The following PDE4D variants were observed in gnomAD, a reference collection of about 807,000 sequenced individuals.
PDE4D encodes the protein phosphodiesterase 4D.
PDE4D carries 24 observed loss-of-function variants against 87.4 expected under a neutral mutation model. That is an observed-to-expected ratio of 0.27 (90% CI 0.20 to 0.39). The LOEUF is 0.39. Ranked by LOEUF, PDE4D falls within the 10% of genes least tolerant of loss-of-function variation. PDE4D has a pLI of 1.00. For synonymous variants in PDE4D, 384 were observed against 383.2 expected (o/e 1.00, Z -0.02); for missense variants, 714 against 1,041.0 (o/e 0.69, Z 4.32).
Position 59,311,113 on chromosome 5 carries a change from G to A in PDE4D, c.456-95145C>T, listed in dbSNP as rs536552079. ...TAGCAGAGAGATGAAGGCTGGTCCT[G>A]GAGGGAAATGTGGGACCAGGGTTAG... is the stretch of plus-strand genomic sequence containing the variant. On this transcript the variant is annotated intron_variant, in intron 1 of 14. Coordinates refer to ENST00000340635, the MANE Select transcript of PDE4D (RefSeq NM_001104631.2). Among the ~76,000 whole-genome samples, 21 of 152,272 alleles carry A rather than the reference G, an allele frequency of 1.4e-4. No homozygotes were observed. In the South Asian group the frequency reaches 4.1e-3, roughly 30 times the overall value.
At chr5:60,014,158 T>C (rs1041951131) in intron 2 of PDE4D, among the ~76,000 whole-genome samples, 1 of 148,862 alleles carries the variant, frequency 6.7e-6, no homozygotes, top group Non-Finnish European at 1.5e-5. Flanking sequence ...AAGCCCAAGA[T>C]GATTCCACAT....
At chr5:59,669,160 A>C (rs754681008) in intron 1 of PDE4D, among the ~76,000 whole-genome samples, 73 of 152,276 alleles carry the variant, frequency 4.8e-4, no homozygotes, top group African/African-American at 1.5e-3. Context: ...CAATGGCACG[A>C]TCTTGGCTCA....
chr5:60,305,517 A>G (rs1754417919), intron 1 of PDE4D, among the ~76,000 whole-genome samples: 2 of 152,034 alleles, frequency 1.3e-5, no homozygotes, highest in Admixed American at 1.3e-4. Flanking sequence ...CAGAGAAATA[A>G]AACAGAAACA....
rs865885978 is a variant in PDE4D, at chr5:59,408,199, T to C, written c.456-192231A>G. ...GGATAAGCACAGGGCACCACTACAC[T>C]GTCTACCTCAGGAGGCTGCTCCTTG... On this transcript the variant is annotated intron_variant, in intron 1 of 14. Coordinates refer to ENST00000340635, the MANE Select transcript of PDE4D (RefSeq NM_001104631.2). Among the ~76,000 whole-genome samples the C allele has an allele frequency of 2.6e-5, 4 of 152,316 alleles. No individual in the cohort carries two copies. In the East Asian group the frequency reaches 5.8e-4, roughly 22 times the overall value.
At chr5:60,475,518 A>T (rs1484438513) in intron 1 of PDE4D, among the ~76,000 whole-genome samples, 1 of 152,210 alleles carries the variant, frequency 6.6e-6, no homozygotes, top group Non-Finnish European at 1.5e-5. Context: ...GCTTTCCATT[A>T]AACTCCAAGA....
chr5:60,209,478 C>G (rs1303975145), intron 1 of PDE4D, among the ~76,000 whole-genome samples: 1 of 152,114 alleles, frequency 6.6e-6, no homozygotes, highest in Non-Finnish European at 1.5e-5. Context: ...TTCAATCCAG[C>G]AAAGGGCCTA....
At chr5:59,414,870 G>C (rs1040977126) in intron 1 of PDE4D, among the ~76,000 whole-genome samples, 30 of 152,318 alleles carry the variant, frequency 2.0e-4, no homozygotes, top group East Asian at 1.9e-4. Context: ...TTGTCATTTG[G>C]ATCTGGCATG....
chr5:60,048,557 C>A (rs1299820876), intron 2 of PDE4D, among the ~76,000 whole-genome samples: 1 of 151,960 alleles, frequency 6.6e-6, no homozygotes, highest in Non-Finnish European at 1.5e-5. Context: ...TTAGGGCATG[C>A]CTGGTGGTGA....
intron 11 of PDE4D, among the ~76,000 whole-genome samples, chr5:58,979,070 G>T (rs1744493797): frequency 6.6e-6 from 1 of 152,094 alleles, no homozygotes; most frequent in African/African-American, 2.4e-5. Flanking sequence ...AACCCTAATT[G>T]GCTTATATGA....
At chr5:58,977,095 G>T in intron 12 of PDE4D, 96 bp downstream of exon 12, 1 of 1,096,040 alleles carries the variant, frequency 9.1e-7, no homozygotes, top group Non-Finnish European at 1.3e-6. Context: ...GTTTTGAAAT[G>T]CAGTTCCTTT....
At chr5:60,418,277 T>C (rs1271693189) in intron 1 of PDE4D, among the ~76,000 whole-genome samples, 1 of 152,220 alleles carries the variant, frequency 6.6e-6, no homozygotes, top group Non-Finnish European at 1.5e-5. Flanking sequence ...CGAGTTCAAA[T>C]TGGGAACAGG....
intron 1 of PDE4D, among the ~76,000 whole-genome samples, chr5:59,740,994 A>C (rs1051809625): frequency 2.6e-5 from 4 of 152,174 alleles, no homozygotes; most frequent in African/African-American, 4.8e-5. Flanking sequence ...TTGTACTCCA[A>C]ATCCAGGATC....
At chr5:60,385,238 T>C (rs1762120254) in intron 1 of PDE4D, among the ~76,000 whole-genome samples, 1 of 152,198 alleles carries the variant, frequency 6.6e-6, no homozygotes, top group Non-Finnish European at 1.5e-5. Context: ...TATGGAAGAA[T>C]GGCAAGTATG....
At chr5:60,188,413 T>C (rs756801228) in intron 1 of PDE4D, 1 of 152,066 alleles carries the variant, frequency 6.6e-6, no homozygotes, top group Admixed American at 6.6e-5. Context: ...GGGACACAGC[T>C]AGACCCTAAA....
Position 59,616,196 on chromosome 5 carries a change from A to G in PDE4D, c.455+276972T>C, listed in dbSNP as rs916043966. Among the ~76,000 whole-genome samples the G allele has an allele frequency of 2.6e-5, 4 of 152,072 alleles. No individual in the cohort carries two copies. The East Asian group carries it at 7.7e-4, about 29-fold the overall frequency. ...CATGTGTCTTAGTAGTAAAACCAAG[A>G]AATAATCTCATCTGATTTTAATGCA... On this transcript the variant is annotated intron_variant, in intron 1 of 14. Transcript: ENST00000340635.
chr5:59,857,618 C>T (rs1745637305), intron 1 of PDE4D, among the ~76,000 whole-genome samples: 1 of 151,974 alleles, frequency 6.6e-6, no homozygotes. Context: ...CAACCACTAC[C>T]TTTAGAACTA....
At chr5:59,728,666 C>T (rs1756945147) in intron 1 of PDE4D, among the ~76,000 whole-genome samples, 1 of 151,992 alleles carries the variant, frequency 6.6e-6, no homozygotes, top group African/African-American at 2.4e-5. Context: ...AGAAGGAAAA[C>T]AGATTTCCTG....
intron 2 of PDE4D, among the ~76,000 whole-genome samples, chr5:60,084,280 T>A (rs945217181): frequency 1.3e-5 from 2 of 152,244 alleles, no homozygotes; most frequent in Non-Finnish European, 1.5e-5. Context: ...ATTTCTTTTA[T>A]AATTGTAACT....
intron 1 of PDE4D, among the ~76,000 whole-genome samples, chr5:59,554,238 T>A (rs1387418700): frequency 6.6e-6 from 1 of 152,190 alleles, no homozygotes. Flanking sequence ...AATGATTAAC[T>A]TTTTATAGTT....
Sources: gnomAD v4.1 joint callset for allele counts (sites outside exome capture counted in the v4.1 genomes callset) on GRCh38, gnomAD v4.1.1 for gene constraint, MANE v1.5 for transcripts, NCBI Gene and HGNC (gene_info 2026-07-23, HGNC 2026-07-21) for gene names.